Variants in ATP4A observed in about 807,000 individuals in gnomAD.
ATP4A encodes the protein potassium-transporting ATPase alpha chain 1.
In ATP4A, 73 loss-of-function variants were observed where a neutral mutation model predicts 112.1. The observed-to-expected ratio is 0.65, with a 90% CI of 0.54 to 0.79. The LOEUF (loss-of-function observed/expected upper bound fraction) is 0.79, where lower values mean the gene tolerates loss of function less well. Among genes scored for constraint, ATP4A ranks in the 30% least tolerant of loss-of-function variants. The pLI, the probability that ATP4A is intolerant of heterozygous loss-of-function variation, is 0.00. For missense variants in ATP4A, 1,081 were observed against 1,425.9 expected, an observed-to-expected ratio of 0.76 and a Z score of 3.90; for synonymous variants, 588 against 588.9, an observed-to-expected ratio of 1.00 and a Z score of 0.02.
Position 35,558,038 on chromosome 19 carries a change from A to G in ATP4A, c.1501-191T>C, listed in dbSNP as rs2071642697. On this transcript the variant is annotated intron_variant, in intron 10 of 21. Transcript: ENST00000262623. The surrounding 1 kb of genome is among the most constrained non-coding windows in gnomAD (Gnocchi z 5.1). ...GGTCCTTGGTAGAAGGTAAGCGTTA[A>G]GGCGGGGCTAGGTGCAGATTTGGAG... 1 of 614,886 alleles carries G rather than the reference A, an allele frequency of 1.6e-6. No homozygotes were observed. The highest frequency in any genetic ancestry group is 2.8e-6 in the Non-Finnish European group (1 of 357,320). The allele number at this position is 614,886 out of a possible 1,614,324, so 38.1% of individuals were successfully genotyped here.
Position 35,563,482 on chromosome 19 carries a change from C to T in ATP4A, c.58G>A (p.Gly20Arg), listed in dbSNP as rs762780274. The change falls in exon 2 of 22, where the codon GGG becomes AGG. Residue 20 changes from glycine to arginine, a missense_variant. Gly to Arg is a moderately radical substitution (Grantham distance 125). Transcript: ENST00000262623. The part of the protein sequence containing the change: ...YSVELGPGPG[G>R]DMAAKMSKKK... ...TTGCTCATCTTGGCAGCCATGTCCC[C>T]GCCAGGGCCAGGACCCAGCTCCACC... 5.0e-6 allele frequency: 8 copies of T among 1,614,100 alleles called. No homozygotes were observed. The highest frequency in any genetic ancestry group is 4.5e-5 in the East Asian group (2 of 44,858).
Position 35,553,655 on chromosome 19 carries a change from G to T in ATP4A, c.2605+51C>A, listed in dbSNP as rs374556967. 1.8e-3 allele frequency: 2,832 copies of T among 1,602,738 alleles called. 4 individuals carry two copies. The highest frequency in any genetic ancestry group is 2.2e-3 in the Non-Finnish European group (2,539 of 1,174,510). On this transcript the variant is annotated intron_variant, in intron 17 of 21. Coordinates refer to ENST00000262623, the MANE Select transcript of ATP4A (RefSeq NM_000704.3). ...AGGCAGGGCCTGGGGCAGGCGAGCAGCCCAGCGCAGAGCCCCCCACCTCCA... is the reference window on the plus strand; with the variant it reads ...AGGCAGGGCCTGGGGCAGGCGAGCATCCCAGCGCAGAGCCCCCCACCTCCA...
At position 35,558,013 on chromosome 19, in the gene ATP4A, G is replaced by A. The variant is rs1202574507; in HGVS notation, c.1501-166C>T. On this transcript the variant is annotated intron_variant, in intron 10 of 21. Transcript: ENST00000262623. The surrounding 1 kb of genome is among the most constrained non-coding windows in gnomAD (Gnocchi z 5.1). The stretch of plus-strand genomic sequence containing the variant: ...GGAAGATGGAGGCCTTGTGTGGAGG[G>A]GTCCTTGGTAGAAGGTAAGCGTTAA... The A allele has an allele frequency of 1.1e-5, 7 of 645,026 alleles. No homozygotes were observed. Among genetic ancestry groups the A allele is most frequent in the African/African-American group, 3.7e-5 (2 of 54,254 alleles). 40.0% of individuals were successfully genotyped at this position (645,026 alleles called of 1,614,324 possible).
At position 35,551,197 on chromosome 19, in the gene ATP4A, TCAG is replaced by T; in HGVS notation, c.2886-89_2886-87del. ...ACTGTGGGTCAAAGTAGGTCAGATG[TCAG>T]CAGCAGCAGGGAGGTGTTCTACACA... On this transcript the variant is annotated intron_variant, in intron 19 of 21. Coordinates refer to ENST00000262623, the MANE Select transcript of ATP4A (RefSeq NM_000704.3). This position sits in a 1 kb window ranked among gnomAD's most constrained non-coding sequence, Gnocchi z 5.2. The T allele has an allele frequency of 3.6e-6, 5 of 1,370,510 alleles. No individual in the cohort carries two copies. Among genetic ancestry groups the T allele is most frequent in the Admixed American group, 2.0e-5 (1 of 50,588 alleles). 84.9% of individuals were successfully genotyped at this position (1,370,510 alleles called of 1,614,324 possible). A position where few individuals can be genotyped will look rare whatever the true frequency, so the allele number is the denominator to read the frequency against.
rs2071593631 is a variant in ATP4A at position 35,550,288 on chromosome 19, T to G, written c.*327A>C. ...CCTCAGGCAGCCGTCCAGCCTGGAC[T>G]GGAGTCCTAAGAACAGAAACACCCT... On this transcript the variant is annotated 3_prime_UTR_variant, in exon 22 of 22. Coordinates refer to ENST00000262623, the MANE Select transcript of ATP4A (RefSeq NM_000704.3). This position sits in a 1 kb window ranked among gnomAD's most constrained non-coding sequence, Gnocchi z 4.1. 2.6e-6 allele frequency: 1 copy of G among 382,752 alleles called. No homozygotes were observed. The highest frequency in any genetic ancestry group is 2.0e-5 in the African/African-American group (1 of 49,026). The allele number at this position is 382,752 out of a possible 1,614,324, so 23.7% of individuals were successfully genotyped here.
intron 3 of ATP4A, 33 bp from the exon 4 acceptor site, chr19:35,562,671 G>A (rs1466849749): frequency 6.5e-7 from 1 of 1,546,664 alleles, no homozygotes; most frequent in Non-Finnish European, 8.7e-7. Flanking sequence ...GGCGGTCCTG[G>A]GGGCTTTCCT....
In ATP4A at chr19:35,551,579, G is replaced by A. The variant is rs1250933562; in HGVS notation, c.2753C>T (p.Thr918Ile). 6.2e-7 allele frequency: 1 copy of A among 1,611,748 alleles called. No homozygotes were observed. Among genetic ancestry groups the A allele is most frequent in the Non-Finnish European group, 8.5e-7 (1 of 1,179,020 alleles). ...CTGCTGGTACAGGCGCTGCCCGAATGTCTGCAGGCCAGGGGCAAACGGAAA... is the reference window on the plus strand; with the variant it reads ...CTGCTGGTACAGGCGCTGCCCGAATATCTGCAGGCCAGGGGCAAACGGAAA... Reference protein sequence around the residue: ...DLQDSYGQEWTFGQRLYQQYT... With the variant: ...DLQDSYGQEWIFGQRLYQQYT... The change falls in exon 19 of 22, where the codon ACA becomes ATA. Residue 918 changes from threonine (T) to isoleucine (I), a missense_variant and splice_region_variant. Physicochemically the swap from Thr to Ile is moderately conservative, Grantham distance 89. Around this residue, in one of 3 missense-constraint regions of ATP4A, gnomAD observed 219 missense variants for 320.9 expected, o/e 0.68. Transcript: ENST00000262623. This position sits in a 1 kb window ranked among gnomAD's most constrained non-coding sequence, Gnocchi z 5.2.
Position 35,558,644 on chromosome 19 carries a change from C to T in ATP4A, c.1298G>A (p.Cys433Tyr). The T allele has an allele frequency of 6.3e-7, 1 of 1,591,908 alleles. No homozygotes were observed. The highest frequency in any genetic ancestry group is 1.3e-5 in the African/African-American group (1 of 74,936). The change falls in exon 9 of 22, where the codon TGC becomes TAC. Residue 433 changes from cysteine to tyrosine, a missense_variant. Cys to Tyr is a radical substitution (Grantham distance 194, BLOSUM62 -2). Transcript: ENST00000262623. The surrounding 1 kb of genome is among the most constrained non-coding windows in gnomAD (Gnocchi z 5.1). Reference sequence around the variant, plus strand: ...GCGGTTGCACAGGGTGAGCACCCGGCACAGCGCCCGCCACGTCTCCGAGGA... The same window carrying T: ...GCGGTTGCACAGGGTGAGCACCCGGTACAGCGCCCGCCACGTCTCCGAGGA... The part of the protein sequence containing the change: ...DQSSETWRAL[C>Y]RVLTLCNRAA...
rs1473017817 is a variant in ATP4A at position 35,555,744 on chromosome 19, C to T, written c.1938G>A (p.Ser646=). ...TGTCCTCCACTGTCTCGCTGCCTTC[C>T]GAGATGATGCCCACACTGGCTGCAA... The part of the protein sequence containing the change: ...KAIAASVGII[S]EGSETVEDIA... Residue 646 remains serine (S), a synonymous_variant, in exon 13 of 22, where the codon TCG becomes TCA. Transcript: ENST00000262623. The surrounding 1 kb of genome is among the most constrained non-coding windows in gnomAD (Gnocchi z 6.6). 20 of 1,613,800 alleles carry T rather than the reference C, an allele frequency of 1.2e-5. No homozygotes were observed. The highest frequency in any genetic ancestry group is 1.7e-5 in the Non-Finnish European group (20 of 1,179,738).
rs771133567 is a variant in ATP4A, at chr19:35,563,256, G to A, written c.169C>T (p.Leu57=). ...KKEMEINDHQ[L]SVAELEQKYQ... is the part of the protein sequence containing the mutation. ...TTCTGTTCCAGCTCCGCCACTGACA[G>A]CTGGTGGTCGTTCTGTGTGGTGGGG... Residue 57 remains leucine (L), a synonymous_variant, in exon 3 of 22, where the codon CTG becomes TTG. Transcript: ENST00000262623. 2 of 1,614,032 alleles carry A rather than the reference G, an allele frequency of 1.2e-6. No individual in the cohort carries two copies. Among genetic ancestry groups the A allele is most frequent in the South Asian group, 2.2e-5 (2 of 91,072 alleles).
In ATP4A at chr19:35,550,578, G is replaced by A. The variant is rs2071595540; in HGVS notation, c.*37C>T. The A allele has an allele frequency of 2.5e-6, 4 of 1,612,640 alleles. No homozygotes were observed. Among genetic ancestry groups the A allele is most frequent in the Non-Finnish European group, 2.5e-6 (3 of 1,178,782 alleles). ...CCCACGAGCCCTGCCCCCACCTGCT[G>A]TGGCAGTTGCAGGGATGCTTGAAGG... is the stretch of plus-strand genomic sequence containing the variant. On this transcript the variant is annotated 3_prime_UTR_variant, in exon 22 of 22. Transcript: ENST00000262623. This position sits in a 1 kb window ranked among gnomAD's most constrained non-coding sequence, Gnocchi z 4.1.
intron 16 of ATP4A, 94 bp from the exon 17 acceptor site, chr19:35,553,923 C>T (rs1296964712): frequency 1.3e-6 from 2 of 1,487,752 alleles, no homozygotes; most frequent in East Asian, 2.5e-5. Flanking sequence ...TGAGCAGGAA[C>T]AGGACTGAGG....
intron 16 of ATP4A, 87 bp downstream of exon 16, chr19:35,554,835 T>A (rs2071621036): frequency 6.4e-7 from 1 of 1,553,996 alleles, no homozygotes; most frequent in Middle Eastern, 2.2e-4. Flanking sequence ...CCCAAGAGTG[T>A]CTGTGGTGGT....
Position 35,557,677 on chromosome 19 carries a change from T to A in ATP4A, c.1671A>T (p.Gly557=), listed in dbSNP as rs150899385. 2.7e-5 allele frequency: 44 copies of A among 1,608,574 alleles called. No individual in the cohort carries two copies. The African/African-American group carries it at 5.3e-4, about 20-fold the overall frequency. Residue 557 remains glycine, a synonymous_variant, in exon 11 of 22, where the codon GGA becomes GGT. Coordinates refer to ENST00000262623, the MANE Select transcript of ATP4A (RefSeq NM_000704.3). This position sits in a 1 kb window ranked among gnomAD's most constrained non-coding sequence, Gnocchi z 4.4. ...CACCGAGCACGCGTTCGCCCAGGCC[T>A]CCCAGGCTGAGGTAGGCGGTCTGGA... ...EAFQTAYLSL[G]GLGERVLGFC...
Position 35,557,525 on chromosome 19 carries a change from G to A in ATP4A, c.1693+130C>T, listed in dbSNP as rs764935812. ...TGGTACAGGGAAAGTCAAGGGTGAG[G>A]CTGTGGACTGCGACAAATCAGCCAG... On this transcript the variant is annotated intron_variant, in intron 11 of 21. Transcript: ENST00000262623. This position sits in a 1 kb window ranked among gnomAD's most constrained non-coding sequence, Gnocchi z 4.4. 544 of 1,133,642 alleles carry A rather than the reference G, an allele frequency of 4.8e-4. No homozygotes were observed. Among genetic ancestry groups the A allele is most frequent in the Non-Finnish European group, 6.3e-4 (507 of 808,018 alleles). The allele number at this position is 1,133,642 out of a possible 1,614,324, so 70.2% of individuals were successfully genotyped here. A position where few individuals can be genotyped will look rare whatever the true frequency, so the allele number is the denominator to read the frequency against.
intron 3 of ATP4A, among the ~76,000 whole-genome samples, chr19:35,562,897 T>G (rs577613997): frequency 6.6e-6 from 1 of 151,802 alleles, no homozygotes; most frequent in Admixed American, 6.6e-5. Context: ...TTCTCTGTCT[T>G]GCTGTCTCTT....
At position 35,555,761 on chromosome 19, in the gene ATP4A, TG is replaced by T; in HGVS notation, c.1920del (p.Ser641ValfsTer23). On this transcript the variant is annotated frameshift_variant, in exon 13 of 22. Coordinates refer to ENST00000262623, the MANE Select transcript of ATP4A (RefSeq NM_000704.3). LOFTEE classifies it high-confidence loss of function. This position sits in a 1 kb window ranked among gnomAD's most constrained non-coding sequence, Gnocchi z 6.6. ...CTGCCTTCCGAGATGATGCCCACAC[TG>T]GCTGCAATGGCCTTGGCGGTGATGG... ...DHPITAKAIAASVGIISEGSE... is the reference protein window; with the variant it reads ...DHPITAKAIAXSVGIISEGSE... 1 of 1,613,922 alleles carries T rather than the reference TG, an allele frequency of 6.2e-7. No homozygotes were observed.
rs1599571565 is a variant in ATP4A, at chr19:35,555,305, A to G, written c.2187T>C (p.Gly729=). ...LGAIVAVTGD[G]VNDSPALKKA... ...TCTTCAGAGCTGGGGAGTCATTCAC[A>G]CCATCCCCCGTGACGGCCACAATCG... Residue 729 remains glycine (G), a synonymous_variant, in exon 15 of 22, where the codon GGT becomes GGC. Transcript: ENST00000262623. This position sits in a 1 kb window ranked among gnomAD's most constrained non-coding sequence, Gnocchi z 6.6. 6 of 1,614,006 alleles carry G rather than the reference A, an allele frequency of 3.7e-6. No homozygotes were observed. Among genetic ancestry groups the G allele is most frequent in the Non-Finnish European group, 5.1e-6 (6 of 1,179,958 alleles).
chr19:35,554,850 G>C, intron 16 of ATP4A, 72 bp downstream of exon 16: 1 of 1,591,340 alleles, frequency 6.3e-7, no homozygotes, highest in East Asian at 2.2e-5. Context: ...GGTGGTCTCT[G>C]TCCCTCCTGT....
Sources: allele counts gnomAD v4.1 joint callset (sites outside exome capture counted in the v4.1 genomes callset), GRCh38; gene constraint gnomAD v4.1.1; regional missense constraint gnomAD v4.1.1; non-coding constraint Gnocchi (gnomAD v3.1); transcripts MANE v1.5; gene names NCBI Gene and HGNC (gene_info 2026-07-23, HGNC 2026-07-21).